The following CASZ1 variants were observed in gnomAD, a reference collection of about 807,000 sequenced individuals.
CASZ1 encodes the protein zinc finger protein castor homolog 1.
Under a neutral mutation model 135.2 loss-of-function variants are expected in CASZ1, and 28 were observed. That is an observed-to-expected ratio of 0.21 (90% CI 0.15 to 0.28). The LOEUF is 0.28. CASZ1 is among the 10% of genes least tolerant of loss of function. CASZ1 has a pLI of 1.00. For missense variants in CASZ1, 2,161 were observed against 2,453.3 expected (o/e 0.88, Z 2.52); for synonymous variants, 1,068 against 1,073.4 (o/e 0.99, Z 0.10).
chr1:10,663,866 G>A (rs940535457), intron 5 of CASZ1, among the ~76,000 whole-genome samples: 2 of 152,226 alleles, frequency 1.3e-5, no homozygotes, highest in African/African-American at 4.8e-5. Context: ...ACTCCTCTGG[G>A]GGAAGGAGGC....
intron 2 of CASZ1, among the ~76,000 whole-genome samples, chr1:10,760,348 C>T (rs1311226639): frequency 2.6e-5 from 4 of 152,228 alleles, no homozygotes; most frequent in Admixed American, 2.6e-4. Flanking sequence ...GGCCACAAAG[C>T]CTGGGCTGCA....
In CASZ1 at chr1:10,657,729, C is replaced by A. The variant is rs1286435759; in HGVS notation, c.1409+779G>T. On this transcript the variant is annotated intron_variant, in intron 7 of 20. Coordinates refer to ENST00000377022, the MANE Select transcript of CASZ1 (RefSeq NM_001079843.3). This position sits in a 1 kb window ranked among gnomAD's most constrained non-coding sequence, Gnocchi z 5.7. ...GGAGAGACAGAGCGGGCGGGAGGAA[C>A]CTGGAAGATCTGCGGACAGACAGGC... Among the ~76,000 whole-genome samples, 1 of 145,586 alleles carries A rather than the reference C, an allele frequency of 6.9e-6. No individual in the cohort carries two copies. Among genetic ancestry groups the A allele is most frequent in the Non-Finnish European group, 1.5e-5 (1 of 67,148 alleles).
At chr1:10,682,126 A>G (rs2100363452) in intron 4 of CASZ1, among the ~76,000 whole-genome samples, 1 of 152,268 alleles carries the variant, frequency 6.6e-6, no homozygotes, top group East Asian at 1.9e-4. Context: ...ATCTCCCTAC[A>G]TCCACTTTCA....
Position 10,762,599 on chromosome 1 carries a change from C to A in CASZ1, c.-233-1742G>T, listed in dbSNP as rs1018960570. ...GAAGGCATGCCTTGGACCACCTACA[C>A]TCCTACTCCAAGAATCTCCATCTGC... On this transcript the variant is annotated intron_variant, in intron 1 of 20. Coordinates refer to ENST00000377022, the MANE Select transcript of CASZ1 (RefSeq NM_001079843.3). The surrounding 1 kb of genome is among the most constrained non-coding windows in gnomAD (Gnocchi z 4.1). 3.9e-5 allele frequency among the ~76,000 whole-genome samples: 6 copies of A among 152,156 alleles called. No individual in the cohort carries two copies. Among genetic ancestry groups the A allele is most frequent in the African/African-American group, 1.4e-4 (6 of 41,430 alleles).
At chr1:10,770,309 T>C (rs998702209) in intron 1 of CASZ1, among the ~76,000 whole-genome samples, 1 of 152,128 alleles carries the variant, frequency 6.6e-6, no homozygotes, top group African/African-American at 2.4e-5. Context: ...TTTCTTGAAC[T>C]CCTGAGCTCA....
intron 1 of CASZ1, among the ~76,000 whole-genome samples, chr1:10,764,417 ACTC>A (rs1640435850): frequency 6.6e-6 from 1 of 152,226 alleles, no homozygotes; most frequent in African/African-American, 2.4e-5. Context: ...CAAAGTGAGA[ACTC>A]TTGGTATGAA....
At chr1:10,693,848 G>T (rs778441004) in intron 4 of CASZ1, 26 bp downstream of exon 4, 2 of 1,572,778 alleles carry the variant, frequency 1.3e-6, no homozygotes, top group Non-Finnish European at 1.7e-6. Context: ...TGAAAGAGCC[G>T]CCCCTGCGTT....
At chr1:10,651,158 G>C in intron 11 of CASZ1, 82 bp from the exon 12 acceptor site, 7 of 1,222,462 alleles carry the variant, frequency 5.7e-6, no homozygotes, top group Non-Finnish European at 6.4e-6. Context: ...CCCCTGGAGG[G>C]AGGGCAGTGG....
In CASZ1 at chr1:10,735,292, G is replaced by A. The variant is rs150506810; in HGVS notation, c.-77+25409C>T. On this transcript the variant is annotated intron_variant, in intron 2 of 20. Coordinates refer to ENST00000377022, the MANE Select transcript of CASZ1 (RefSeq NM_001079843.3). The surrounding 1 kb of genome is among the most constrained non-coding windows in gnomAD (Gnocchi z 5.1). ...CATATTTTCTGCATAAATTATAGGG[G>A]TTGATTAGACCGGGGCTCTGGGAGA... Among the ~76,000 whole-genome samples the A allele has an allele frequency of 1.8e-3, 271 of 152,308 alleles. 2 individuals carry two copies. The highest frequency in any genetic ancestry group is 2.5e-3 in the Non-Finnish European group (169 of 68,036).
chr1:10,719,208 G>A lies in CASZ1; in HGVS notation c.-76-13664C>T, dbSNP rs771506938. On this transcript the variant is annotated intron_variant, in intron 2 of 20. Coordinates refer to ENST00000377022, the MANE Select transcript of CASZ1 (RefSeq NM_001079843.3). The surrounding 1 kb of genome is among the most constrained non-coding windows in gnomAD (Gnocchi z 4.0). The stretch of plus-strand genomic sequence containing the variant: ...GCTGGGATTACAGGCGTGAGCCACC[G>A]CACCCGGCCCCGTGCCCCTTTCTTG... 7.2e-5 allele frequency among the ~76,000 whole-genome samples: 11 copies of A among 152,152 alleles called. No homozygotes were observed. Among genetic ancestry groups the A allele is most frequent in the African/African-American group, 1.2e-4 (5 of 41,430 alleles).
rs1640904775 is a variant in CASZ1, at chr1:10,788,884, C to A, written c.-234+7680G>T. Among the ~76,000 whole-genome samples the A allele has an allele frequency of 6.6e-6, 1 of 152,218 alleles. No homozygotes were observed. Among genetic ancestry groups the A allele is most frequent in the South Asian group, 2.1e-4 (1 of 4,830 alleles). On this transcript the variant is annotated intron_variant, in intron 1 of 20. Transcript: ENST00000377022. This position sits in a 1 kb window ranked among gnomAD's most constrained non-coding sequence, Gnocchi z 4.1. Reference sequence around the variant, plus strand: ...CCCACCAGTGGGGACAGAGGGGAAGCCAGCAGCCGCTGCCGCTCTGCAGAA... The same window carrying A: ...CCCACCAGTGGGGACAGAGGGGAAGACAGCAGCCGCTGCCGCTCTGCAGAA...
Position 10,735,500 on chromosome 1 carries a change from A to G in CASZ1, c.-77+25201T>C, listed in dbSNP as rs540809392. Among the ~76,000 whole-genome samples the G allele has an allele frequency of 6.6e-6, 1 of 152,238 alleles. No homozygotes were observed. The highest frequency in any genetic ancestry group is 2.1e-4 in the South Asian group (1 of 4,812). ...GGCTCAGCCAGCTCCACGCAGCGCCAGGGCTGTCCCCAAAGTTTGGATCAA... is the reference window on the plus strand; with the variant it reads ...GGCTCAGCCAGCTCCACGCAGCGCCGGGGCTGTCCCCAAAGTTTGGATCAA... On this transcript the variant is annotated intron_variant, in intron 2 of 20. Coordinates refer to ENST00000377022, the MANE Select transcript of CASZ1 (RefSeq NM_001079843.3). The surrounding 1 kb of genome is among the most constrained non-coding windows in gnomAD (Gnocchi z 5.1).
chr1:10,743,784 G>A (rs955832477), intron 2 of CASZ1, among the ~76,000 whole-genome samples: 7 of 151,228 alleles, frequency 4.6e-5, no homozygotes, highest in East Asian at 2.0e-4. Context: ...GAGGGCAGGC[G>A]GGATGGGAGA....
At position 10,676,419 on chromosome 1, in the gene CASZ1, A is replaced by G; in HGVS notation, c.17-10848T>C. ...ACTCCATCACACAGCGTTAGCCCCA[A>G]AAGGTGACCTTTCAACAGAACATCC... On this transcript the variant is annotated intron_variant, in intron 4 of 20. Transcript: ENST00000377022. This position sits in a 1 kb window ranked among gnomAD's most constrained non-coding sequence, Gnocchi z 4.5. Among the ~76,000 whole-genome samples the G allele has an allele frequency of 6.6e-6, 1 of 152,094 alleles. No individual in the cohort carries two copies. The highest frequency in any genetic ancestry group is 1.9e-4 in the East Asian group (1 of 5,170).
intron 4 of CASZ1, among the ~76,000 whole-genome samples, chr1:10,689,900 T>C (rs1327292033): frequency 6.6e-6 from 1 of 152,212 alleles, no homozygotes. Context: ...CACAAACCTC[T>C]GTTTGAATGG....
rs928780142 is a variant in CASZ1, at chr1:10,759,194, C to A, written c.-77+1507G>T. 6.6e-6 allele frequency among the ~76,000 whole-genome samples: 1 copy of A among 152,200 alleles called. No homozygotes were observed. The highest frequency in any genetic ancestry group is 1.5e-5 in the Non-Finnish European group (1 of 68,028). ...TTCATGGGCAGGGCACAGGGCAGGG[C>A]TGGGCAAGACCACCCTGAGGCTTGC... On this transcript the variant is annotated intron_variant, in intron 2 of 20. Coordinates refer to ENST00000377022, the MANE Select transcript of CASZ1 (RefSeq NM_001079843.3). This position sits in a 1 kb window ranked among gnomAD's most constrained non-coding sequence, Gnocchi z 4.2.
intron 5 of CASZ1, among the ~76,000 whole-genome samples, chr1:10,661,705 C>T (rs978537552): frequency 4.0e-5 from 6 of 148,660 alleles, no homozygotes; most frequent in African/African-American, 1.2e-4. Context: ...TCAAACACAC[C>T]TACACAGTCA....
At chr1:10,708,978 G>T (rs1213111819) in intron 2 of CASZ1, among the ~76,000 whole-genome samples, 2 of 138,428 alleles carry the variant, frequency 1.4e-5, no homozygotes, top group African/African-American at 5.4e-5. Context: ...GGGAGGGGGG[G>T]GGCCATGGGT....
Position 10,759,678 on chromosome 1 carries a change from G to A in CASZ1, c.-77+1023C>T, listed in dbSNP as rs1318262842. ...GCAAGCGCTTCCTCCCTGCAAGTTC[G>A]AAGTCCAGGGCTGCTGAGCCCAGCC... On this transcript the variant is annotated intron_variant, in intron 2 of 20. Transcript: ENST00000377022. The surrounding 1 kb of genome is among the most constrained non-coding windows in gnomAD (Gnocchi z 4.2). Among the ~76,000 whole-genome samples the A allele has an allele frequency of 4.6e-5, 7 of 152,096 alleles. No individual in the cohort carries two copies. Among genetic ancestry groups the A allele is most frequent in the African/African-American group, 1.4e-4 (6 of 41,386 alleles).
Sources: allele counts gnomAD v4.1 joint callset (sites outside exome capture counted in the v4.1 genomes callset), GRCh38; gene constraint gnomAD v4.1.1; non-coding constraint Gnocchi (gnomAD v3.1); transcripts MANE v1.5; gene names NCBI Gene and HGNC (gene_info 2026-07-23, HGNC 2026-07-21).